CHL1: variants seen among roughly 807,000 people sequenced by gnomAD.
CHL1 encodes the protein cell adhesion molecule L1 like, also known as neural cell adhesion molecule L1-like protein.
A neutral mutation model predicts 141.9 loss-of-function variants in CHL1; 96 were observed. The observed-to-expected ratio is 0.68, with a 90% confidence interval of 0.57 to 0.80. The LOEUF is 0.80. CHL1 is among the 30% of genes least tolerant of loss of function. The probability of loss-of-function intolerance (pLI) is 0.00; values close to 1 mark genes in which losing one functional copy is unlikely to be tolerated. For synonymous variants in CHL1, 613 were observed against 502.2 expected (o/e 1.22, Z -2.95); for missense variants, 1,820 against 1,457.2 (o/e 1.25, Z -4.05).
At chr3:235,580 A>G (rs1174020694) in intron 1 of CHL1, among the ~76,000 whole-genome samples, 2 of 152,194 alleles carry the variant, frequency 1.3e-5, no homozygotes, top group Non-Finnish European at 2.9e-5. Context: ...ATCTGAGGTT[A>G]CTATCAGATA....
intron 13 of CHL1, 36 bp downstream of exon 13, chr3:361,846 T>A: frequency 7.4e-7 from 1 of 1,343,800 alleles, no homozygotes; most frequent in Middle Eastern, 1.8e-4. Context: ...TAAGAGAATG[T>A]CAATTGTAGA....
intron 1 of CHL1, among the ~76,000 whole-genome samples, chr3:237,830 A>G (rs568594785): frequency 6.6e-6 from 1 of 152,306 alleles, no homozygotes; most frequent in South Asian, 2.1e-4. Flanking sequence ...TTTAGTGGAG[A>G]GTCAATATCT....
chr3:286,666 T>C (rs1697185719), intron 2 of CHL1, among the ~76,000 whole-genome samples: 1 of 151,198 alleles, frequency 6.6e-6, no homozygotes, highest in South Asian at 2.1e-4. Context: ...GAATGGCTAC[T>C]CTATAGACAG....
chr3:310,627 C>T (rs1259652495), intron 2 of CHL1, among the ~76,000 whole-genome samples: 2 of 152,086 alleles, frequency 1.3e-5, no homozygotes, highest in African/African-American at 2.4e-5. Flanking sequence ...TTGGGCAGAA[C>T]GTGCAGAAAT....
chr3:245,345 C>G (rs796753422), intron 2 of CHL1, among the ~76,000 whole-genome samples: 55 of 152,208 alleles, frequency 3.6e-4, no homozygotes, highest in African/African-American at 1.1e-3. Context: ...TTTTGATGAC[C>G]CATTTTGTAA....
At chr3:279,019 A>G (rs1371547103) in intron 2 of CHL1, among the ~76,000 whole-genome samples, 3 of 152,152 alleles carry the variant, frequency 2.0e-5, no homozygotes, top group Non-Finnish European at 4.4e-5. Flanking sequence ...TTAGTATTCT[A>G]ATGGGGACGC....
chr3:301,755 T>A (rs1235570824), intron 2 of CHL1, among the ~76,000 whole-genome samples: 2 of 152,154 alleles, frequency 1.3e-5, no homozygotes, highest in African/African-American at 4.8e-5. Flanking sequence ...GACACTCTTT[T>A]TTATTATTAT....
rs778332664 is a variant in CHL1 at position 391,032 on chromosome 3, A to G, written c.2664A>G (p.Gly888=). ...PKEVNILRFS[G]QRNSGMVPSL... ...AAGTGAACATTCTAAGATTTTCAGG[A>G]CAAAGAAACTCTGGAATGGTTCCTT... The change falls in exon 22 of 28, where the codon GGA becomes GGG. Residue 888 remains glycine, a synonymous_variant. Coordinates refer to ENST00000256509, the MANE Select transcript of CHL1 (RefSeq NM_006614.4). 1 of 1,614,012 alleles carries G rather than the reference A, an allele frequency of 6.2e-7. No individual in the cohort carries two copies. The highest frequency in any genetic ancestry group is 2.2e-5 in the East Asian group (1 of 44,882).
intron 2 of CHL1, among the ~76,000 whole-genome samples, chr3:316,415 A>G (rs1439328604): frequency 6.6e-6 from 1 of 151,596 alleles, no homozygotes; most frequent in Non-Finnish European, 1.5e-5. Flanking sequence ...GATGGCAAAA[A>G]CCACAATAAC....
At chr3:349,985 G>A (rs970917953) in intron 10 of CHL1, among the ~76,000 whole-genome samples, 9 of 152,070 alleles carry the variant, frequency 5.9e-5, no homozygotes, top group East Asian at 1.9e-4. Context: ...CGTACCTCAG[G>A]CTCTTCACCA....
intron 2 of CHL1, among the ~76,000 whole-genome samples, chr3:299,625 T>G (rs1408104441): frequency 6.6e-6 from 1 of 152,186 alleles, no homozygotes; most frequent in Non-Finnish European, 1.5e-5. Flanking sequence ...AAGAATTTAG[T>G]TCAGCAGCTA....
intron 2 of CHL1, among the ~76,000 whole-genome samples, chr3:305,830 C>G (rs660892): frequency 6.6e-6 from 1 of 151,594 alleles, no homozygotes; most frequent in African/African-American, 2.4e-5. Context: ...CCATTATTTT[C>G]TGTTACAATA....
intron 2 of CHL1, among the ~76,000 whole-genome samples, chr3:266,340 A>C (rs1695147650): frequency 6.6e-6 from 1 of 152,180 alleles, no homozygotes; most frequent in South Asian, 2.1e-4. Context: ...TTCTTTAACA[A>C]GGAAAGCGAT....
intron 17 of CHL1, 94 bp from the exon 18 acceptor site, chr3:382,375 TATAAC>T (rs1707156316): frequency 4.1e-6 from 6 of 1,460,544 alleles, no homozygotes; most frequent in Non-Finnish European, 5.7e-6. Context: ...TTATTCTTCT[TATAAC>T]ATCCTTTTGA....
At chr3:247,095 A>T (rs1177838136) in intron 2 of CHL1, 1 of 151,530 alleles carries the variant, frequency 6.6e-6, no homozygotes, top group Non-Finnish European at 1.5e-5. Flanking sequence ...GTCTTAAAAA[A>T]GTTCTATCCT....
chr3:302,004 T>G (rs1698790551), intron 2 of CHL1, among the ~76,000 whole-genome samples: 1 of 152,176 alleles, frequency 6.6e-6, no homozygotes, highest in African/African-American at 2.4e-5. Flanking sequence ...TGGTGCATGG[T>G]TTTCTGATCT....
rs776986737 is a variant in CHL1 at position 277,648 on chromosome 3, G to A, written c.-95+32956G>A. Among the ~76,000 whole-genome samples, 8 of 152,186 alleles carry A rather than the reference G, an allele frequency of 5.3e-5. No homozygotes were observed. In the South Asian group the frequency reaches 6.2e-4, roughly 12 times the overall value. ...CAAAAAAAGGGCATTCAGAACTTAC[G>A]TGTCATTTTTATATTGCGAATTCAA... On this transcript the variant is annotated intron_variant, in intron 2 of 27. Coordinates refer to ENST00000256509, the MANE Select transcript of CHL1 (RefSeq NM_006614.4).
chr3:236,877 G>T (rs1692037637), intron 1 of CHL1, among the ~76,000 whole-genome samples: 1 of 120,458 alleles, frequency 8.3e-6, no homozygotes. Flanking sequence ...AATAATCATA[G>T]ACTTTTAGGG....
chr3:258,395 C>T (rs960716699), intron 2 of CHL1, among the ~76,000 whole-genome samples: 11 of 152,198 alleles, frequency 7.2e-5, no homozygotes, highest in African/African-American at 2.7e-4. Flanking sequence ...ACTTCCACAT[C>T]TCTCCCTCTT....
Sources: gnomAD v4.1 joint callset for allele counts (sites outside exome capture counted in the v4.1 genomes callset) on GRCh38, gnomAD v4.1.1 for gene constraint, MANE v1.5 for transcripts, NCBI Gene and HGNC (gene_info 2026-07-23, HGNC 2026-07-21) for gene names.